Variants in STX3 observed in about 807,000 individuals in gnomAD.
The protein encoded by STX3 is syntaxin-3.
Under a neutral mutation model 40.2 loss-of-function variants are expected in STX3, and 19 were observed. That is an observed-to-expected ratio of 0.47 (90% CI 0.33 to 0.69). STX3 has a LOEUF of 0.69. Among genes scored for constraint, STX3 ranks in the 30% least tolerant of loss-of-function variants. The pLI is 0.02. For missense variants in STX3, 364 were observed against 366.7 expected (o/e 0.99, Z 0.06); for synonymous variants, 122 against 132.2 (o/e 0.92, Z 0.53).
chr11:59,777,185 G>A (rs1433299926), intron 2 of STX3, among the ~76,000 whole-genome samples: 3 of 152,174 alleles, frequency 2.0e-5, no homozygotes, highest in Non-Finnish European at 2.9e-5. Context: ...AAGAGGAAGC[G>A]TTAAATTCTG....
At position 59,755,675 on chromosome 11, in the gene STX3, C is replaced by T. The variant is rs367872073; in HGVS notation, c.30+40C>T. 11 of 1,583,268 alleles carry T rather than the reference C, an allele frequency of 6.9e-6. No homozygotes were observed. In the African/African-American group the frequency reaches 1.4e-4, roughly 20 times the overall value. ...AGGCGGGGTGCTGCCAGGAGGGGTG[C>T]TGCATGGGAGAGGGGCTTCCCTTTG... On this transcript the variant is annotated intron_variant, in intron 1 of 10. Transcript: ENST00000337979.
At chr11:59,791,394 C>A (rs751198122) in intron 5 of STX3, among the ~76,000 whole-genome samples, 2 of 152,116 alleles carry the variant, frequency 1.3e-5, no homozygotes. Flanking sequence ...TTATAACTTA[C>A]AGGCATTTGC....
intron 1 of STX3, among the ~76,000 whole-genome samples, chr11:59,771,741 A>G (rs1272086212): frequency 2.0e-5 from 3 of 152,028 alleles, no homozygotes; most frequent in Non-Finnish European, 4.4e-5. Flanking sequence ...AAGGAGAAGT[A>G]TGGGTGGAGC....
In STX3 at chr11:59,773,225, GGAT is replaced by G. The variant is rs1565170422; in HGVS notation, c.52_54del (p.Asp18del). 1 of 1,614,160 alleles carries G rather than the reference GGAT, an allele frequency of 6.2e-7. No homozygotes were observed. Among genetic ancestry groups the G allele is most frequent in the South Asian group, 1.1e-5 (1 of 91,082 alleles). On this transcript the variant is annotated inframe_deletion, in exon 2 of 11. Transcript: ENST00000337979. ...GCCTTTTGCAGAAGCAGCTGACACA[GGAT>G]GATGATACTGATGCGGTTGAGATTG... is the stretch of plus-strand genomic sequence containing the variant.
Position 59,803,834 on chromosome 11 carries a change from C to G in STX3, c.*3010C>G, listed in dbSNP as rs1327431407. 1 of 152,920 alleles carries G rather than the reference C, an allele frequency of 6.5e-6. No individual in the cohort carries two copies. Among genetic ancestry groups the G allele is most frequent in the Non-Finnish European group, 1.5e-5 (1 of 68,018 alleles). The allele number at this position is 152,920 out of a possible 1,614,324, so 9.5% of individuals were successfully genotyped here. On this transcript the variant is annotated 3_prime_UTR_variant, in exon 11 of 11. Coordinates refer to ENST00000337979, the MANE Select transcript of STX3 (RefSeq NM_004177.5). ...TTTTCCTCCATTTTTCTGTTATCTC[C>G]CACAGCCCTCACAGATTGATCGACT...
At chr11:59,781,380 C>A in intron 2 of STX3, 1 of 1,599,292 alleles carries the variant, frequency 6.3e-7, no homozygotes, top group South Asian at 1.1e-5. Flanking sequence ...CACTAATTTC[C>A]CATCTTTCAA....
intron 2 of STX3, 71 bp from the exon 3 acceptor site, chr11:59,786,966 C>A: frequency 1.4e-6 from 2 of 1,391,628 alleles, no homozygotes; most frequent in South Asian, 1.2e-5. Context: ...GCAGCTCTGC[C>A]AAACGTTTAT....
chr11:59,787,221 C>CA, intron 3 of STX3, 85 bp downstream of exon 3: 6 of 1,207,994 alleles, frequency 5.0e-6, no homozygotes, highest in Non-Finnish European at 7.3e-6. Flanking sequence ...CCTTCGTGAG[C>CA]AGTAGGGAAG....
intron 2 of STX3, among the ~76,000 whole-genome samples, chr11:59,776,733 G>A (rs1417805250): frequency 6.6e-6 from 1 of 152,218 alleles, no homozygotes; most frequent in Non-Finnish European, 1.5e-5. Context: ...TTCAGAATGT[G>A]ATTTGCACTG....
upstream of STX3, chr11:59,755,347 A>T (rs1274096489): frequency 6.5e-6 from 2 of 308,102 alleles, no homozygotes; most frequent in Non-Finnish European, 1.2e-5. Context: ...AGGGCGGATC[A>T]GCGCTGCGCC....
chr11:59,789,707 C>T (rs562045531), intron 4 of STX3, among the ~76,000 whole-genome samples: 19 of 152,272 alleles, frequency 1.2e-4, no homozygotes, highest in African/African-American at 2.9e-4. Flanking sequence ...CCTCCCAAAT[C>T]GCTGGGATTC....
At chr11:59,773,977 C>CAA (rs5792160) in intron 2 of STX3, among the ~76,000 whole-genome samples, 520 of 80,954 alleles carry the variant, frequency 6.4e-3, no homozygotes, top group Non-Finnish European at 0.011. Context: ...CTCACACACA[C>CAA]AAAAAAAAAA....
intron 1 of STX3, among the ~76,000 whole-genome samples, chr11:59,761,856 C>T (rs1232099607): frequency 1.3e-5 from 2 of 151,594 alleles, no homozygotes; most frequent in Non-Finnish European, 2.9e-5. Flanking sequence ...TTTTAGCCTA[C>T]TTTTAGATTT....
At position 59,801,519 on chromosome 11, in the gene STX3, A is replaced by C. The variant is rs1366187257; in HGVS notation, c.*695A>C. On this transcript the variant is annotated 3_prime_UTR_variant, in exon 11 of 11. Transcript: ENST00000337979. ...GGGACCAGGATGATACAGTCATCTG[A>C]GGTTATGCTTTGCAAAAGGCTGACG... 2 of 985,312 alleles carry C rather than the reference A, an allele frequency of 2.0e-6. No individual in the cohort carries two copies. The highest frequency in any genetic ancestry group is 2.4e-6 in the Non-Finnish European group (2 of 829,956). The allele number at this position is 985,312 out of a possible 1,614,324, so 61.0% of individuals were successfully genotyped here. A position where few individuals can be genotyped will look rare whatever the true frequency, so the allele number is the denominator to read the frequency against.
At chr11:59,775,757 T>A (rs1863931746) in intron 2 of STX3, among the ~76,000 whole-genome samples, 1 of 152,230 alleles carries the variant, frequency 6.6e-6, no homozygotes, top group Admixed American at 6.5e-5. Flanking sequence ...TGGTAGCTAC[T>A]TCTGAAGAGG....
At chr11:59,777,754 T>C (rs183342356) in intron 2 of STX3, among the ~76,000 whole-genome samples, 4 of 152,350 alleles carry the variant, frequency 2.6e-5, no homozygotes, top group Admixed American at 2.6e-4. Context: ...TTATCTATTG[T>C]TATATCACAG....
intron 1 of STX3, among the ~76,000 whole-genome samples, chr11:59,771,096 G>A (rs1264863691): frequency 3.3e-5 from 5 of 152,168 alleles, no homozygotes; most frequent in Non-Finnish European, 7.4e-5. Context: ...GCTCCACAGA[G>A]GAAGGTGTTT....
At chr11:59,782,838 CAA>C (rs567313662) in intron 2 of STX3, among the ~76,000 whole-genome samples, 9 of 105,082 alleles carry the variant, frequency 8.6e-5, no homozygotes, top group African/African-American at 1.1e-4. Flanking sequence ...ACTAAAAATA[CAA>C]AAAAAAAAAA....
chr11:59,799,530 A>G (rs1030073272), intron 10 of STX3: 1 of 386,104 alleles, frequency 2.6e-6, no homozygotes, highest in African/African-American at 2.2e-5. Context: ...AACCTTATTT[A>G]ATATTTTTCT....
Sources: gnomAD v4.1 joint callset for allele counts (sites outside exome capture counted in the v4.1 genomes callset) on GRCh38, gnomAD v4.1.1 for gene constraint, MANE v1.5 for transcripts, NCBI Gene and HGNC (gene_info 2026-07-23, HGNC 2026-07-21) for gene names.